AGBL1: variants seen among roughly 807,000 people sequenced by gnomAD.
AGBL1 encodes AGBL carboxypeptidase 1.
In AGBL1, 130 loss-of-function variants were observed where a neutral mutation model predicts 118.9. The ratio of observed to expected loss-of-function variants is 1.09; its 90% CI spans 0.95 to 1.26. The LOEUF (loss-of-function observed/expected upper bound fraction) is 1.26, where lower values mean the gene tolerates loss of function less well. Ranked by LOEUF, AGBL1 falls within the 50% of genes most tolerant of loss-of-function variation. The probability of loss-of-function intolerance (pLI) is 0.00; values close to 1 mark genes in which losing one functional copy is unlikely to be tolerated. For synonymous variants in AGBL1, 555 were observed against 478.9 expected, an observed-to-expected ratio of 1.16 and a Z score of -2.08; for missense variants, 1,584 against 1,298.1, an observed-to-expected ratio of 1.22 and a Z score of -3.38.
intron 23 of AGBL1, among the ~76,000 whole-genome samples, chr15:86,979,017 G>T (rs1478809832): frequency 6.6e-6 from 1 of 152,168 alleles, no homozygotes; most frequent in African/African-American, 2.4e-5. Flanking sequence ...ACTGGTGAAG[G>T]CACAGGCTTC....
chr15:86,688,895 A>G (rs2086111118), intron 22 of AGBL1, among the ~76,000 whole-genome samples: 2 of 152,050 alleles, frequency 1.3e-5, no homozygotes, highest in Admixed American at 6.6e-5. Context: ...CCAGACAACA[A>G]CTGACTTGCT....
chr15:86,808,494 C>T (rs550523612), intron 22 of AGBL1, among the ~76,000 whole-genome samples: 32 of 152,248 alleles, frequency 2.1e-4, no homozygotes, highest in African/African-American at 7.5e-4. Flanking sequence ...TAAACCTCTT[C>T]CACATCTGCT....
intron 22 of AGBL1, among the ~76,000 whole-genome samples, chr15:86,747,042 A>T (rs2077767659): frequency 6.6e-6 from 1 of 152,072 alleles, no homozygotes; most frequent in Non-Finnish European, 1.5e-5. Flanking sequence ...GGAAGTGAAT[A>T]GGGATGATAC....
At chr15:86,148,434 G>T (rs1257103145) in intron 3 of AGBL1, among the ~76,000 whole-genome samples, 3 of 152,168 alleles carry the variant, frequency 2.0e-5, no homozygotes, top group Admixed American at 6.5e-5. Context: ...GACCTTAAAT[G>T]ACCTGATGGA....
At chr15:86,382,921 A>C (rs113419828) in intron 17 of AGBL1, among the ~76,000 whole-genome samples, 2,706 of 152,222 alleles carry the variant, frequency 0.018, 30 homozygotes, top group Middle Eastern at 0.065. Context: ...GAACTATGCT[A>C]AGCTTCGTGA....
At chr15:86,984,229 A>G (rs867942409) in intron 23 of AGBL1, among the ~76,000 whole-genome samples, 1 of 152,136 alleles carries the variant, frequency 6.6e-6, no homozygotes, top group African/African-American at 2.4e-5. Flanking sequence ...ATTTAAATGG[A>G]CATTTCTTGA....
At chr15:86,789,099 A>G (rs2078455665) in intron 22 of AGBL1, among the ~76,000 whole-genome samples, 1 of 152,220 alleles carries the variant, frequency 6.6e-6, no homozygotes, top group Admixed American at 6.5e-5. Context: ...TTTTGCATCT[A>G]AATCCATTAC....
At chr15:86,212,386 G>A (rs1383504196) in intron 5 of AGBL1, among the ~76,000 whole-genome samples, 6 of 152,196 alleles carry the variant, frequency 3.9e-5, no homozygotes, top group African/African-American at 1.2e-4. Flanking sequence ...TCAGGAAGCG[G>A]GGGAGCTGGA....
intron 22 of AGBL1, among the ~76,000 whole-genome samples, chr15:86,754,596 T>C (rs1441790615): frequency 1.3e-5 from 2 of 152,024 alleles, no homozygotes; most frequent in African/African-American, 4.8e-5. Context: ...CCTGCAGGGC[T>C]TTGATGTGTA....
At chr15:86,694,989 G>A (rs998428525) in intron 22 of AGBL1, among the ~76,000 whole-genome samples, 16 of 151,882 alleles carry the variant, frequency 1.1e-4, no homozygotes, top group African/African-American at 3.4e-4. Context: ...TGTTGGATTC[G>A]GTTAGCTAGT....
chr15:86,225,352 A>G (rs1332444321), intron 6 of AGBL1, among the ~76,000 whole-genome samples: 1 of 152,164 alleles, frequency 6.6e-6, no homozygotes, highest in African/African-American at 2.4e-5. Context: ...CAGTGGAAGA[A>G]AAGATTTTGG....
At chr15:87,005,450 T>A (rs1009074555) in intron 24 of AGBL1, among the ~76,000 whole-genome samples, 2 of 152,218 alleles carry the variant, frequency 1.3e-5, no homozygotes, top group African/African-American at 4.8e-5. Flanking sequence ...TGATCTTCAA[T>A]CACTGATACC....
chr15:86,413,505 C>T (rs564178996), intron 18 of AGBL1, among the ~76,000 whole-genome samples: 1 of 152,146 alleles, frequency 6.6e-6, no homozygotes, highest in East Asian at 1.9e-4. Context: ...TATAAGTGGT[C>T]CCTTTTCTCT....
intron 20 of AGBL1, among the ~76,000 whole-genome samples, chr15:86,548,177 C>T (rs2083611967): frequency 6.6e-6 from 1 of 152,082 alleles, no homozygotes; most frequent in Admixed American, 6.5e-5. Flanking sequence ...TGATATCTAC[C>T]AGCAGTCAAG....
intron 22 of AGBL1, among the ~76,000 whole-genome samples, chr15:86,826,331 C>T (rs2079012574): frequency 6.6e-6 from 1 of 152,000 alleles, no homozygotes; most frequent in African/African-American, 2.4e-5. Context: ...TTGGTAAAGT[C>T]CGAGGGATGC....
intron 1 of AGBL1, among the ~76,000 whole-genome samples, chr15:86,082,792 T>C (rs1213020545): frequency 6.6e-6 from 1 of 152,216 alleles, no homozygotes; most frequent in East Asian, 1.9e-4. Flanking sequence ...TCCTGGCCTT[T>C]ACAGCGTGGG....
intron 22 of AGBL1, among the ~76,000 whole-genome samples, chr15:86,780,519 C>G (rs901319770): frequency 6.6e-6 from 1 of 152,048 alleles, no homozygotes; most frequent in African/African-American, 2.4e-5. Flanking sequence ...CATTCTGGAT[C>G]TTTATTGGAA....
At chr15:86,297,240 T>C (rs1275730431) in intron 17 of AGBL1, among the ~76,000 whole-genome samples, 4 of 152,156 alleles carry the variant, frequency 2.6e-5, no homozygotes, top group Non-Finnish European at 5.9e-5. Flanking sequence ...ACATATCCGA[T>C]GTTCATCTCA....
intron 6 of AGBL1, among the ~76,000 whole-genome samples, chr15:86,245,718 C>A (rs1416498231): frequency 1.3e-5 from 2 of 152,098 alleles, no homozygotes; most frequent in East Asian, 1.9e-4. Flanking sequence ...TGAAAAGGTC[C>A]CTATTAGATA....
Sources: allele counts gnomAD v4.1 joint callset (sites outside exome capture counted in the v4.1 genomes callset), GRCh38; gene constraint gnomAD v4.1.1; transcripts MANE v1.5; gene names NCBI Gene and HGNC (gene_info 2026-07-23, HGNC 2026-07-21).